NPHP1: variants seen among roughly 807,000 people sequenced by gnomAD.
The protein encoded by NPHP1 is nephrocystin-1.
NPHP1 carries 70 observed loss-of-function variants against 90.4 expected under a neutral mutation model. That is an observed-to-expected ratio of 0.77 (90% confidence interval 0.64 to 0.95). The LOEUF (loss-of-function observed/expected upper bound fraction) is 0.95, where lower values mean the gene tolerates loss of function less well. Ranked by LOEUF, NPHP1 falls within the 40% of genes least tolerant of loss-of-function variation. NPHP1 has a pLI of 0.00. For synonymous variants in NPHP1, 256 were observed against 271.7 expected (o/e 0.94, Z 0.57); for missense variants, 764 against 795.9 (o/e 0.96, Z 0.48).
intron 8 of NPHP1, 129 bp from the exon 9 acceptor site, chr2:110,163,264 A>C: frequency 1.4e-6 from 1 of 727,228 alleles, no homozygotes; most frequent in African/African-American, 1.7e-5. Context: ...TGGAAGAATA[A>C]TACGATTTGG....
In NPHP1 at chr2:110,154,601, T is replaced by C. The variant is rs544173592; in HGVS notation, c.1084-4345A>G. 7.2e-5 allele frequency among the ~76,000 whole-genome samples: 11 copies of C among 152,190 alleles called. No individual in the cohort carries two copies. The South Asian group carries it at 1.0e-3, about 14-fold the overall frequency. On this transcript the variant is annotated intron_variant, in intron 11 of 19. Transcript: ENST00000445609. ...AGGTCCAGGCTGAGGTAGTCTCTGA[T>C]GGAGATGAGGAACTTGTTGGGCACT...
At chr2:110,204,869 C>T in intron 1 of NPHP1, 31 bp downstream of exon 1, 1 of 1,611,110 alleles carries the variant, frequency 6.2e-7, no homozygotes, top group African/African-American at 1.3e-5. Flanking sequence ...CTGTCGCCCG[C>T]CCCAGGGCCC....
intron 19 of NPHP1, 69 bp downstream of exon 19, chr2:110,125,568 T>C (rs745966160): frequency 7.1e-7 from 1 of 1,412,810 alleles, no homozygotes; most frequent in South Asian, 1.1e-5. Flanking sequence ...AAAAGAGACA[T>C]GATTAGAATA....
intron 14 of NPHP1, among the ~76,000 whole-genome samples, chr2:110,145,375 C>T (rs530550237): frequency 3.9e-5 from 6 of 152,210 alleles, no homozygotes; most frequent in South Asian, 2.1e-4. Flanking sequence ...ACTGCAGTCT[C>T]GACCTCTCAG....
chr2:110,172,083 TTAG>T (rs1683164369), intron 4 of NPHP1, among the ~76,000 whole-genome samples: 1 of 152,184 alleles, frequency 6.6e-6, no homozygotes, highest in South Asian at 2.1e-4. Context: ...AGTAAATATT[TTAG>T]TAGAACTTTT....
Position 110,160,238 on chromosome 2 carries a change from A to G in NPHP1, c.972T>C (p.Ser324=), listed in dbSNP as rs970742169. 6.2e-7 allele frequency: 1 copy of G among 1,611,076 alleles called. No individual in the cohort carries two copies. The highest frequency in any genetic ancestry group is 8.5e-7 in the Non-Finnish European group (1 of 1,177,310). The change falls in exon 11 of 20, where the codon AGT becomes AGC. Residue 324 remains serine (S), a synonymous_variant. Transcript: ENST00000445609. The part of the protein sequence containing the change: ...ATEGTIRSRP[S]RISLILTLWS... ...ATAATGTCAGAATCAATGAAATACG[A>G]CTTGGTCTCGACCTAATCTGAAAGA...
At position 110,123,949 on chromosome 2, in the gene NPHP1, T is replaced by C. The variant is rs1679167219; in HGVS notation, c.1876A>G (p.Thr626Ala). The change falls in exon 20 of 20, where the codon ACT becomes GCT. Residue 626 changes from threonine to alanine, a missense_variant. Coordinates refer to ENST00000445609, the MANE Select transcript of NPHP1 (RefSeq NM_001128178.3). Reference sequence around the variant, plus strand: ...TCAGTGATAACTTTCCACCGTGCAGTCTCAGTCTCTTCTTCTGCCCACCTG... The same window carrying C: ...TCAGTGATAACTTTCCACCGTGCAGCCTCAGTCTCTTCTTCTGCCCACCTG... ...PFRWAEEETE[T>A]ARWKVITDFL... is the part of the protein sequence containing the mutation. 6.2e-7 allele frequency: 1 copy of C among 1,614,164 alleles called. No homozygotes were observed. Among genetic ancestry groups the C allele is most frequent in the Non-Finnish European group, 8.5e-7 (1 of 1,180,006 alleles).
chr2:110,204,692 G>C (rs1197312972), intron 1 of NPHP1, among the ~76,000 whole-genome samples: 3 of 152,102 alleles, frequency 2.0e-5, no homozygotes, highest in Non-Finnish European at 4.4e-5. Context: ...TTTCGCCTTT[G>C]GCTGGGGGTT....
chr2:110,175,325 G>A (rs933023748), intron 4 of NPHP1, among the ~76,000 whole-genome samples: 1 of 152,196 alleles, frequency 6.6e-6, no homozygotes, highest in South Asian at 2.1e-4. Flanking sequence ...CTTTTTGAAG[G>A]TCCAAATTTC....
chr2:110,170,960 C>A (rs1051536134), intron 4 of NPHP1, among the ~76,000 whole-genome samples: 3 of 152,042 alleles, frequency 2.0e-5, no homozygotes, highest in Non-Finnish European at 4.4e-5. Context: ...CCCAGGTGAG[C>A]TTTACCTTTA....
intron 10 of NPHP1, 146 bp from the exon 11 acceptor site, chr2:110,160,401 G>T: frequency 1.6e-6 from 1 of 609,404 alleles, no homozygotes; most frequent in Non-Finnish European, 2.9e-6. Context: ...TCAATACTCT[G>T]TTCATTGAAA....
Position 110,134,726 on chromosome 2 carries a change from G to T in NPHP1, c.1530-2935C>A, listed in dbSNP as rs543646634. ...AATGTGCTACATTAACAGAATTAAG[G>T]GGAAAAACCCACATTATTTTCTCAA... On this transcript the variant is annotated intron_variant, in intron 16 of 19. Transcript: ENST00000445609. Among the ~76,000 whole-genome samples the T allele has an allele frequency of 2.6e-5, 4 of 151,982 alleles. No homozygotes were observed. In the East Asian group the frequency reaches 7.7e-4, roughly 29 times the overall value.
At chr2:110,196,773 G>A (rs1227115797) in intron 2 of NPHP1, among the ~76,000 whole-genome samples, 1 of 152,124 alleles carries the variant, frequency 6.6e-6, no homozygotes, top group Non-Finnish European at 1.5e-5. Flanking sequence ...AACAATGATA[G>A]ACTGGATTAA....
At chr2:110,137,888 C>T (rs1274332285) in intron 16 of NPHP1, among the ~76,000 whole-genome samples, 57 of 150,644 alleles carry the variant, frequency 3.8e-4, no homozygotes, top group Non-Finnish European at 1.6e-4. Context: ...ATGTTTATTG[C>T]GGCACTATTC....
At chr2:110,201,869 A>G (rs1013181854) in intron 1 of NPHP1, among the ~76,000 whole-genome samples, 1 of 152,182 alleles carries the variant, frequency 6.6e-6, no homozygotes, top group Admixed American at 6.5e-5. Context: ...CATCTGTGTA[A>G]CCAAAATTCT....
At chr2:110,185,948 T>C (rs577695490) in intron 2 of NPHP1, among the ~76,000 whole-genome samples, 2 of 152,328 alleles carry the variant, frequency 1.3e-5, no homozygotes, top group African/African-American at 4.8e-5. Context: ...CCATCCGTTC[T>C]TGTTGCAATG....
intron 16 of NPHP1, among the ~76,000 whole-genome samples, chr2:110,139,856 C>T (rs375099303): frequency 7.9e-5 from 12 of 152,236 alleles, no homozygotes; most frequent in East Asian, 7.7e-4. Context: ...TGTCATTACC[C>T]GTCTTGTTCT....
chr2:110,199,359 A>T (rs1685408194), intron 2 of NPHP1, among the ~76,000 whole-genome samples: 1 of 151,926 alleles, frequency 6.6e-6, no homozygotes. Context: ...GCTTGAACCC[A>T]GGAGGCAGAG....
At chr2:110,169,155 T>A (rs1394426030) in intron 5 of NPHP1, among the ~76,000 whole-genome samples, 1 of 152,084 alleles carries the variant, frequency 6.6e-6, no homozygotes, top group Non-Finnish European at 1.5e-5. Flanking sequence ...TTGTCTAATA[T>A]TGATACCATT....
Sources: gnomAD v4.1 joint callset for allele counts (sites outside exome capture counted in the v4.1 genomes callset) on GRCh38, gnomAD v4.1.1 for gene constraint, MANE v1.5 for transcripts, NCBI Gene and HGNC (gene_info 2026-07-23, HGNC 2026-07-21) for gene names.